DNAI4: variants seen among roughly 807,000 people sequenced by gnomAD.
DNAI4 encodes dynein axonemal intermediate chain 4, also known as WD repeat domain 78.
In DNAI4, 85 loss-of-function variants were observed where a neutral mutation model predicts 105.8. The ratio of observed to expected loss-of-function variants is 0.80; its 90% CI spans 0.67 to 0.96. The LOEUF (loss-of-function observed/expected upper bound fraction) is 0.96. Among genes scored for constraint, DNAI4 ranks in the 40% least tolerant of loss-of-function variants. DNAI4 has a pLI of 0.00. For missense variants in DNAI4, 1,014 were observed against 1,005.6 expected (o/e 1.01, Z -0.11); for synonymous variants, 352 against 331.5 (o/e 1.06, Z -0.67).
chr1:66,840,341 A>G, intron 9 of DNAI4, 128 bp downstream of exon 9: 2 of 862,224 alleles, frequency 2.3e-6, no homozygotes, highest in Non-Finnish European at 3.6e-6. Flanking sequence ...GGGGCATTCT[A>G]AAACTCAAAG....
At chr1:66,897,391 T>C (rs1177459826) in intron 2 of DNAI4, among the ~76,000 whole-genome samples, 1 of 152,170 alleles carries the variant, frequency 6.6e-6, no homozygotes, top group East Asian at 1.9e-4. Flanking sequence ...GCAGAAAGAT[T>C]TGGAAAAGTC....
Position 66,822,515 on chromosome 1 carries a change from A to G in DNAI4, c.2342T>C (p.Leu781Ser). The change falls in exon 16 of 17, where the codon TTG becomes TCG. Residue 781 changes from leucine to serine, a missense_variant and splice_region_variant. Coordinates refer to ENST00000371026, the MANE Select transcript of DNAI4 (RefSeq NM_024763.5). The part of the protein sequence containing the change: ...VEIWDLHIST[L>S]DPLIVNTANP... ...AGCAGTATTCACAATCAGAGGGTCC[A>G]AACTGTAATGAAATATTTTATTTGT... 1 of 1,585,550 alleles carries G rather than the reference A, an allele frequency of 6.3e-7. No individual in the cohort carries two copies. Among genetic ancestry groups the G allele is most frequent in the Non-Finnish European group, 8.6e-7 (1 of 1,169,366 alleles).
intron 1 of DNAI4, among the ~76,000 whole-genome samples, chr1:66,908,463 G>C (rs1557981264): frequency 6.6e-6 from 1 of 152,322 alleles, no homozygotes; most frequent in East Asian, 1.9e-4. Context: ...CTGTGCCCCA[G>C]AACCTACTGA....
In DNAI4 at chr1:66,840,483, T is replaced by C. The variant is rs755964833; in HGVS notation, c.1480A>G (p.Asn494Asp). 12 of 1,614,134 alleles carry C rather than the reference T, an allele frequency of 7.4e-6. No homozygotes were observed. Among genetic ancestry groups the C allele is most frequent in the Middle Eastern group, 1.6e-4 (1 of 6,062 alleles). Residue 494 changes from asparagine (N) to aspartate (D), a missense_variant, in exon 9 of 17, where the codon AAT becomes GAT. Coordinates refer to ENST00000371026, the MANE Select transcript of DNAI4 (RefSeq NM_024763.5). Reference protein sequence around the residue: ...KGLNVSSLAWNKTNPDLLAVG... With the variant: ...KGLNVSSLAWDKTNPDLLAVG... Reference sequence around the variant, plus strand: ...TGATAACTTACTGGATTTGTTTTATTCCAGGCAAGGCTGCTCACATTGAGG... The same window carrying C: ...TGATAACTTACTGGATTTGTTTTATCCCAGGCAAGGCTGCTCACATTGAGG...
At chr1:66,860,067 A>G (rs1646592290) in intron 7 of DNAI4, among the ~76,000 whole-genome samples, 1 of 149,528 alleles carries the variant, frequency 6.7e-6, no homozygotes. Context: ...TGTGCACAGA[A>G]AGTAGAGAGA....
chr1:66,817,068 CAT>C (rs1557890049), intron 16 of DNAI4, among the ~76,000 whole-genome samples: 1 of 151,936 alleles, frequency 6.6e-6, no homozygotes, highest in Non-Finnish European at 1.5e-5. Context: ...CAAAATTTGT[CAT>C]ATTAACACAT....
At chr1:66,901,256 T>G (rs1648794301) in intron 2 of DNAI4, among the ~76,000 whole-genome samples, 1 of 152,194 alleles carries the variant, frequency 6.6e-6, no homozygotes, top group Non-Finnish European at 1.5e-5. Context: ...TTTTGTGTTA[T>G]TCACTCTTTT....
In DNAI4 at chr1:66,847,606, T is replaced by C. The variant is rs751013228; in HGVS notation, c.1169A>G (p.His390Arg). 6.2e-7 allele frequency: 1 copy of C among 1,613,958 alleles called. No homozygotes were observed. Among genetic ancestry groups the C allele is most frequent in the Non-Finnish European group, 8.5e-7 (1 of 1,179,922 alleles). ...LAKIHEDEEDHSDAILKSDKF... is the reference protein window; with the variant it reads ...LAKIHEDEEDRSDAILKSDKF... ...GTCAGATTTTAATATTGCATCTGAG[T>C]GGTCTTCCTCATCTTCATGGATTTT... Residue 390 changes from histidine to arginine, a missense_variant, in exon 8 of 17, where the codon CAC becomes CGC. Coordinates refer to ENST00000371026, the MANE Select transcript of DNAI4 (RefSeq NM_024763.5).
intron 2 of DNAI4, among the ~76,000 whole-genome samples, chr1:66,899,140 T>C (rs767954083): frequency 1.3e-5 from 2 of 152,218 alleles, no homozygotes; most frequent in Non-Finnish European, 2.9e-5. Context: ...GTAGGATTGC[T>C]GGTTCATATG....
chr1:66,854,999 T>A (rs1646471012), intron 7 of DNAI4, among the ~76,000 whole-genome samples: 1 of 152,140 alleles, frequency 6.6e-6, no homozygotes, highest in Non-Finnish European at 1.5e-5. Flanking sequence ...CCACTAGCAT[T>A]AGCCAATTCC....
chr1:66,895,291 C>G (rs952011223), intron 2 of DNAI4, among the ~76,000 whole-genome samples: 1 of 152,156 alleles, frequency 6.6e-6, no homozygotes, highest in Admixed American at 6.6e-5. Flanking sequence ...CCAGCCTGAA[C>G]AACACAGCAG....
At chr1:66,845,385 C>G (rs1055950590) in intron 8 of DNAI4, among the ~76,000 whole-genome samples, 1 of 152,042 alleles carries the variant, frequency 6.6e-6, no homozygotes, top group African/African-American at 2.4e-5. Flanking sequence ...GAATGTGGAG[C>G]AACTGAGACT....
intron 8 of DNAI4, among the ~76,000 whole-genome samples, chr1:66,845,316 A>G (rs140867262): frequency 6.6e-6 from 1 of 152,110 alleles, no homozygotes; most frequent in Non-Finnish European, 1.5e-5. Context: ...AAACCACATA[A>G]ACAAGAACTC....
intron 8 of DNAI4, among the ~76,000 whole-genome samples, chr1:66,841,831 A>T (rs1646155030): frequency 6.6e-6 from 1 of 152,202 alleles, no homozygotes; most frequent in African/African-American, 2.4e-5. Flanking sequence ...ATTATCATTC[A>T]AAGTCCATAG....
At position 66,890,947 on chromosome 1, in the gene DNAI4, A is replaced by G. The variant is rs1172068119; in HGVS notation, c.643+207T>C. The G allele has an allele frequency of 3.5e-5, 20 of 577,672 alleles. No individual in the cohort carries two copies. Among genetic ancestry groups the G allele is most frequent in the East Asian group, 3.1e-5 (1 of 32,350 alleles). 35.8% of individuals were successfully genotyped at this position (577,672 alleles called of 1,614,324 possible). A position where few individuals can be genotyped will look rare whatever the true frequency, so the allele number is the denominator to read the frequency against. On this transcript the variant is annotated intron_variant, in intron 4 of 16. Transcript: ENST00000371026. The surrounding 1 kb of genome is among the most constrained non-coding windows in gnomAD (Gnocchi z 4.1). ...CAGCTGAGCTCTAACACAAAGCGCC[A>G]TTGGTTCCTCAGGCTGATGATTCAA... is the stretch of plus-strand genomic sequence containing the variant.
chr1:66,845,671 C>T (rs1026443140), intron 8 of DNAI4, among the ~76,000 whole-genome samples: 6 of 151,944 alleles, frequency 3.9e-5, no homozygotes, highest in African/African-American at 1.5e-4. Flanking sequence ...TAGAGCATTA[C>T]TAGGAAAAAA....
intron 7 of DNAI4, among the ~76,000 whole-genome samples, chr1:66,859,785 T>C (rs559532958): frequency 6.6e-6 from 1 of 152,118 alleles, no homozygotes; most frequent in South Asian, 2.1e-4. Flanking sequence ...AAAATATCAG[T>C]GACTATCAAG....
rs1365320360 is a variant in DNAI4, at chr1:66,875,440, T to C, written c.644-503A>G. 5.3e-5 allele frequency among the ~76,000 whole-genome samples: 8 copies of C among 152,308 alleles called. No individual in the cohort carries two copies. The East Asian group carries it at 1.3e-3, about 26-fold the overall frequency. On this transcript the variant is annotated intron_variant, in intron 4 of 16. Transcript: ENST00000371026. Reference sequence around the variant, plus strand: ...TTCACCAGGGGTAAAGACTCTACTATATTAGTCCTGGTTGACTATAGAAAT... The same window carrying C: ...TTCACCAGGGGTAAAGACTCTACTACATTAGTCCTGGTTGACTATAGAAAT...
chr1:66,830,258 A>T (rs1645838523), intron 13 of DNAI4, among the ~76,000 whole-genome samples: 1 of 152,182 alleles, frequency 6.6e-6, no homozygotes, highest in African/African-American at 2.4e-5. Context: ...AAAACCAATT[A>T]AGTCAAAAGC....
Sources: allele counts gnomAD v4.1 joint callset (sites outside exome capture counted in the v4.1 genomes callset), GRCh38; gene constraint gnomAD v4.1.1; non-coding constraint Gnocchi (gnomAD v3.1); transcripts MANE v1.5; gene names NCBI Gene and HGNC (gene_info 2026-07-23, HGNC 2026-07-21).